The following CDKL5 variants were observed in gnomAD, a reference collection of about 807,000 sequenced individuals.
CDKL5 encodes cyclin-dependent kinase-like 5.
In CDKL5, 8 loss-of-function variants were observed where a neutral mutation model predicts 61.7. That is an observed-to-expected ratio of 0.13 (90% CI 0.08 to 0.23). The LOEUF (loss-of-function observed/expected upper bound fraction) is 0.23. Ranked by LOEUF, CDKL5 falls within the 10% of genes least tolerant of loss-of-function variation. The pLI is 1.00. For synonymous variants in CDKL5, 275 were observed against 272.3 expected (o/e 1.01, Z -0.10); for missense variants, 440 against 734.5 (o/e 0.60, Z 4.63).
intron 1 of CDKL5, among the ~76,000 whole-genome samples, chrX:18,429,596 C>T (rs1931438087): frequency 8.9e-6 from 1 of 111,959 alleles, no homozygotes; most frequent in Admixed American, 9.5e-5. Context: ...CCGTGCTCTT[C>T]AAAACCATGC....
At chrX:18,641,910 T>C, downstream of CDKL5, 1 of 1,005,794 alleles carries the variant, frequency 9.9e-7, no homozygotes, top group South Asian at 1.9e-5. Context: ...CTTTGCGAAA[T>C]ATAGCCCTGT....
chrX:18,647,893 GA>G (rs5901648), intron 20 of CDKL5, among the ~76,000 whole-genome samples: 25,205 of 106,809 alleles, frequency 0.24, 2,748 homozygotes, highest in African/African-American at 0.42. Flanking sequence ...CCAGTCTAAT[GA>G]AAAAAAAAAT....
At position 18,634,918 on chromosome X, in the gene CDKL5, T is replaced by C. The variant is rs1272207159; in HGVS notation, c.*6161T>C. 1.3e-6 allele frequency: 1 copy of C among 748,931 alleles called. No individual in the cohort carries two copies. The highest frequency in any genetic ancestry group is 1.6e-6 in the Non-Finnish European group (1 of 637,367). 61.7% of individuals were successfully genotyped at this position (748,931 alleles called of 1,213,427 possible). A position where few individuals can be genotyped will look rare whatever the true frequency, so the allele number is the denominator to read the frequency against. On this transcript the variant is annotated 3_prime_UTR_variant, in exon 18 of 18. Coordinates refer to ENST00000623535, the MANE Select transcript of CDKL5 (RefSeq NM_001323289.2). ...ACAGGGCAGGGTGACATTTAGACTC[T>C]GTTCATTCTTAAAAATAGGGATAAG...
intron 4 of CDKL5, among the ~76,000 whole-genome samples, chrX:18,573,376 C>T (rs746766279): frequency 4.5e-5 from 5 of 112,167 alleles, no homozygotes; most frequent in South Asian, 7.4e-4. Flanking sequence ...AGCATGTTCT[C>T]GATCTTGCTT....
chrX:18,557,978 A>G (rs1173008157), intron 3 of CDKL5, among the ~76,000 whole-genome samples: 1 of 107,462 alleles, frequency 9.3e-6, no homozygotes, highest in Non-Finnish European at 1.9e-5. Context: ...TCTCTTTCTG[A>G]TTTTTTTTTT....
At chrX:18,541,917 T>A (rs1411983545) in intron 3 of CDKL5, among the ~76,000 whole-genome samples, 1 of 111,779 alleles carries the variant, frequency 8.9e-6, no homozygotes, top group East Asian at 2.8e-4. Flanking sequence ...AGTATTTGTA[T>A]GATGGCAGCT....
chrX:18,477,034 C>T (rs912810739), intron 1 of CDKL5, among the ~76,000 whole-genome samples: 3 of 111,962 alleles, frequency 2.7e-5, no homozygotes, highest in Admixed American at 9.5e-5. Flanking sequence ...TCCCAAAGTG[C>T]TGGGATTACA....
chrX:18,548,869 A>G (rs191927676), intron 3 of CDKL5, among the ~76,000 whole-genome samples: 4 of 112,244 alleles, frequency 3.6e-5, no homozygotes, highest in South Asian at 7.3e-4. Flanking sequence ...TAAAGCAGCC[A>G]TATCTCTCAT....
chrX:18,609,357 G>T (rs201852913), intron 13 of CDKL5, 108 bp from the exon 14 acceptor site: 4 of 1,166,466 alleles, frequency 3.4e-6, no homozygotes, highest in Non-Finnish European at 4.6e-6. Context: ...TCCTACTACT[G>T]CACTACAGCC....
chrX:18,554,998 G>A (rs1445169692), intron 3 of CDKL5, among the ~76,000 whole-genome samples: 1 of 111,161 alleles, frequency 9.0e-6, no homozygotes, highest in East Asian at 2.8e-4. Flanking sequence ...GCGTAGGTTT[G>A]TTACGTAGGT....
rs902943837 is a variant in CDKL5 at position 18,560,323 on chromosome X, A to G, written c.100-4154A>G. 1.4e-3 allele frequency among the ~76,000 whole-genome samples: 160 copies of G among 111,745 alleles called. 1 individual carries two copies. Among genetic ancestry groups the G allele is most frequent in the Non-Finnish European group, 1.8e-3 (96 of 53,146 alleles). The stretch of plus-strand genomic sequence containing the variant: ...TTTCCTGACTTTTTAACAATTGCCA[A>G]AAATGACCTTTTCTAACAAACCAAT... On this transcript the variant is annotated intron_variant, in intron 3 of 17. Transcript: ENST00000623535.
intron 1 of CDKL5, among the ~76,000 whole-genome samples, chrX:18,489,769 GC>G (rs1921925356): frequency 9.1e-6 from 1 of 110,273 alleles, no homozygotes; most frequent in Non-Finnish European, 1.9e-5. Flanking sequence ...GCTGTAGGGG[GC>G]CAGGCGTGGT....
At chrX:18,517,936 C>T (rs1322574240) in intron 3 of CDKL5, among the ~76,000 whole-genome samples, 2 of 111,131 alleles carry the variant, frequency 1.8e-5, no homozygotes, top group Non-Finnish European at 1.9e-5. Flanking sequence ...ACCCGGGAGG[C>T]GGAGGTTGCA....
At chrX:18,507,213 T>C (rs1922610074) in intron 2 of CDKL5, 53 bp downstream of exon 2, 2 of 813,362 alleles carry the variant, frequency 2.5e-6, no homozygotes, top group South Asian at 4.1e-5. Flanking sequence ...CAGTTAGTTA[T>C]TCCTACCACC....
intron 1 of CDKL5, among the ~76,000 whole-genome samples, chrX:18,448,172 T>A (rs1307794594): frequency 8.9e-6 from 1 of 112,323 alleles, no homozygotes; most frequent in Non-Finnish European, 1.9e-5. Flanking sequence ...AGTACATCTT[T>A]TCCTCAAACT....
At chrX:18,536,991 C>CT (rs377081484) in intron 3 of CDKL5, among the ~76,000 whole-genome samples, 5,062 of 95,789 alleles carry the variant, frequency 0.053, 356 homozygotes, top group African/African-American at 0.17. Context: ...AAAAATGTAG[C>CT]TTTTTTTTTT....
chrX:18,454,268 G>A (rs1488743729), intron 1 of CDKL5, among the ~76,000 whole-genome samples: 1 of 108,049 alleles, frequency 9.3e-6, no homozygotes, highest in Non-Finnish European at 1.9e-5. Context: ...ATGGAGTCTT[G>A]CTCTGTCGCC....
At chrX:18,549,057 C>G (rs1428464576) in intron 3 of CDKL5, among the ~76,000 whole-genome samples, 1 of 111,641 alleles carries the variant, frequency 9.0e-6, no homozygotes, top group Admixed American at 9.5e-5. Context: ...AAAAACAAAA[C>G]AGAATCAAGC....
At chrX:18,524,553 A>G (rs1923362343) in intron 3 of CDKL5, among the ~76,000 whole-genome samples, 1 of 111,849 alleles carries the variant, frequency 8.9e-6, no homozygotes, top group Non-Finnish European at 1.9e-5. Context: ...AGTCTGTGGC[A>G]TGTCTTTTCA....
Sources: gnomAD v4.1 joint callset for allele counts (sites outside exome capture counted in the v4.1 genomes callset) on GRCh38, gnomAD v4.1.1 for gene constraint, MANE v1.5 for transcripts, NCBI Gene and HGNC (gene_info 2026-07-23, HGNC 2026-07-21) for gene names.